The following NKAIN3 variants were observed in gnomAD, a reference collection of about 807,000 sequenced individuals.
The protein encoded by NKAIN3 is sodium/potassium-transporting ATPase subunit beta-1-interacting protein 3.
In NKAIN3, 25 loss-of-function variants were observed where a neutral mutation model predicts 30.2. That is an observed-to-expected ratio of 0.83 (90% confidence interval 0.60 to 1.16). The LOEUF is 1.16. Ranked by LOEUF, NKAIN3 falls within the 50% of genes most tolerant of loss-of-function variation. The pLI, the probability that NKAIN3 is intolerant of heterozygous loss-of-function variation, is 0.00. For missense variants in NKAIN3, 225 were observed against 254.1 expected, an observed-to-expected ratio of 0.89 and a Z score of 0.78; for synonymous variants, 91 against 89.6, an observed-to-expected ratio of 1.02 and a Z score of -0.09.
chr8:62,985,383 C>T (rs1013103910), downstream of NKAIN3, among the ~76,000 whole-genome samples: 3 of 152,198 alleles, frequency 2.0e-5, no homozygotes, highest in Non-Finnish European at 2.9e-5. Flanking sequence ...ACCAATGAGT[C>T]CAGAGACATT....
At chr8:62,251,830 A>G (rs975283805) in intron 1 of NKAIN3, among the ~76,000 whole-genome samples, 1 of 152,226 alleles carries the variant, frequency 6.6e-6, no homozygotes, top group African/African-American at 2.4e-5. Flanking sequence ...TACTTTATAT[A>G]GCATTTCCGT....
intron 1 of NKAIN3, among the ~76,000 whole-genome samples, chr8:62,510,397 C>A (rs976324816): frequency 6.6e-6 from 1 of 152,152 alleles, no homozygotes; most frequent in Non-Finnish European, 1.5e-5. Context: ...CAAGGGCTAG[C>A]CTTCTCCTCT....
chr8:62,303,629 T>C (rs538924629), intron 1 of NKAIN3, among the ~76,000 whole-genome samples: 20 of 150,672 alleles, frequency 1.3e-4, no homozygotes, highest in Admixed American at 2.6e-4. Context: ...ATCTATCAAG[T>C]TGGATATGAT....
chr8:62,735,378 C>CTTTTTT (rs200472150), intron 3 of NKAIN3, among the ~76,000 whole-genome samples: 2 of 27,756 alleles, frequency 7.2e-5, no homozygotes, highest in Non-Finnish European at 1.9e-4. Flanking sequence ...TTCTTTCTTT[C>CTTTTTT]TTTTTTTTTT....
chr8:62,902,243 G>A lies in NKAIN3; in HGVS notation c.472-16210G>A, dbSNP rs1033688397. Reference sequence around the variant, plus strand: ...TACTGAGGGTGCCCCAAAATGAAAGGGGCACAAAAAGAGTCCAAATGCTCT... The same window carrying A: ...TACTGAGGGTGCCCCAAAATGAAAGAGGCACAAAAAGAGTCCAAATGCTCT... On this transcript the variant is annotated intron_variant, in intron 4 of 6. Transcript: ENST00000623646. Among the ~76,000 whole-genome samples, 4 of 152,094 alleles carry A rather than the reference G, an allele frequency of 2.6e-5. No homozygotes were observed. The South Asian group carries it at 8.3e-4, about 32-fold the overall frequency.
chr8:62,903,415 T>C (rs1821670488), intron 4 of NKAIN3, among the ~76,000 whole-genome samples: 1 of 152,046 alleles, frequency 6.6e-6, no homozygotes, highest in Non-Finnish European at 1.5e-5. Flanking sequence ...TCCAAATAAA[T>C]AAGAGGACCG....
chr8:62,606,491 A>G (rs955162020), intron 3 of NKAIN3, among the ~76,000 whole-genome samples: 12 of 152,122 alleles, frequency 7.9e-5, no homozygotes, highest in African/African-American at 2.7e-4. Flanking sequence ...CTTCCTGCAA[A>G]ATCCCCTTAA....
chr8:62,512,039 T>C (rs1807827614), intron 1 of NKAIN3, among the ~76,000 whole-genome samples: 2 of 152,188 alleles, frequency 1.3e-5, no homozygotes, highest in African/African-American at 4.8e-5. Context: ...TCTTGTATGA[T>C]ACTTGGCATG....
Position 62,685,534 on chromosome 8 carries a change from C to G in NKAIN3, c.274-61398C>G, listed in dbSNP as rs1813773708. 2.0e-5 allele frequency among the ~76,000 whole-genome samples: 3 copies of G among 152,236 alleles called. No individual in the cohort carries two copies. The Middle Eastern group carries it at 0.01, about 518-fold the overall frequency. ...TTTTAAATAAATCACGAGGACTTCC[C>G]TTATTCTTTCCTTTTAACAAAGCAA... On this transcript the variant is annotated intron_variant, in intron 3 of 6. Coordinates refer to ENST00000623646, the MANE Select transcript of NKAIN3 (RefSeq NM_001304533.3).
chr8:62,820,896 G>C (rs944831255), intron 4 of NKAIN3, among the ~76,000 whole-genome samples: 4 of 152,064 alleles, frequency 2.6e-5, no homozygotes. Context: ...AGTCTACAAA[G>C]CCTTTATTTT....
At chr8:62,761,944 C>CA (rs1477365294) in intron 4 of NKAIN3, among the ~76,000 whole-genome samples, 2 of 151,902 alleles carry the variant, frequency 1.3e-5, no homozygotes, top group Non-Finnish European at 2.9e-5. Flanking sequence ...CTACTCCCCC[C>CA]AAAAAAGATG....
Position 62,967,689 on chromosome 8 carries a change from G to A in NKAIN3, c.*2282G>A, listed in dbSNP as rs73683964. On this transcript the variant is annotated 3_prime_UTR_variant, in exon 7 of 7. Coordinates refer to ENST00000623646, the MANE Select transcript of NKAIN3 (RefSeq NM_001304533.3). ...CAATAATTATTGTTAGTATTGTTAC[G>A]ATTATTGAAAAAGCTGATAAAACAT... Among the ~76,000 whole-genome samples, 371 of 152,170 alleles carry A rather than the reference G, an allele frequency of 2.4e-3. 1 individual carries two copies. Among genetic ancestry groups the A allele is most frequent in the African/African-American group, 8.4e-3 (350 of 41,526 alleles).
chr8:62,897,178 T>C (rs1263945844), intron 4 of NKAIN3, among the ~76,000 whole-genome samples: 3 of 152,122 alleles, frequency 2.0e-5, no homozygotes, highest in Non-Finnish European at 4.4e-5. Context: ...TTCTCATATA[T>C]AGTAAGAAAG....
intron 3 of NKAIN3, among the ~76,000 whole-genome samples, chr8:62,690,736 A>G (rs533005956): frequency 2.6e-4 from 39 of 152,314 alleles, no homozygotes; most frequent in African/African-American, 8.7e-4. Flanking sequence ...CACATGAGCA[A>G]AACGGTCCAC....
At chr8:62,708,610 G>A (rs1563525731) in intron 3 of NKAIN3, among the ~76,000 whole-genome samples, 1 of 152,100 alleles carries the variant, frequency 6.6e-6, no homozygotes, top group Non-Finnish European at 1.5e-5. Context: ...ATCAGTTCTA[G>A]GAGCTTGCTG....
chr8:62,839,116 C>A (rs1274986514), intron 4 of NKAIN3, among the ~76,000 whole-genome samples: 1 of 152,172 alleles, frequency 6.6e-6, no homozygotes, highest in East Asian at 1.9e-4. Context: ...GATGCAGTTT[C>A]TCTGTTATGT....
intron 1 of NKAIN3, among the ~76,000 whole-genome samples, chr8:62,409,803 A>T (rs1460815445): frequency 6.6e-6 from 1 of 152,122 alleles, no homozygotes; most frequent in Non-Finnish European, 1.5e-5. Context: ...AACACTAAGT[A>T]AAAATTCAGA....
At chr8:62,944,689 A>G (rs1221342897) in intron 5 of NKAIN3, among the ~76,000 whole-genome samples, 1 of 152,118 alleles carries the variant, frequency 6.6e-6, no homozygotes, top group Non-Finnish European at 1.5e-5. Context: ...TCTGCTTTGG[A>G]TGGGAATATA....
At chr8:62,938,840 G>T (rs886301472) in intron 5 of NKAIN3, among the ~76,000 whole-genome samples, 2 of 152,078 alleles carry the variant, frequency 1.3e-5, no homozygotes, top group African/African-American at 4.8e-5. Flanking sequence ...GACAAAACAA[G>T]GTTCTTTAAC....
Sources: allele counts gnomAD v4.1 joint callset (sites outside exome capture counted in the v4.1 genomes callset), GRCh38; gene constraint gnomAD v4.1.1; transcripts MANE v1.5; gene names NCBI Gene and HGNC (gene_info 2026-07-23, HGNC 2026-07-21).